NR3C2: variants seen among roughly 807,000 people sequenced by gnomAD.
NR3C2 encodes mineralocorticoid receptor.
A neutral mutation model predicts 86.4 loss-of-function variants in NR3C2; 15 were observed. That is an observed-to-expected ratio of 0.17 (90% CI 0.12 to 0.27). The LOEUF is 0.27. Ranked by LOEUF, NR3C2 falls within the 10% of genes least tolerant of loss-of-function variation. NR3C2 has a pLI of 1.00. For synonymous variants in NR3C2, 458 were observed against 450.5 expected (o/e 1.02, Z -0.21); for missense variants, 960 against 1,195.6 (o/e 0.80, Z 2.91).
At chr4:148,147,301 A>C in intron 6 of NR3C2, among the ~76,000 whole-genome samples, 1 of 152,164 alleles carries the variant, frequency 6.6e-6, no homozygotes, top group East Asian at 1.9e-4. Flanking sequence ...GCAAACCCAA[A>C]GTTTTGTTCC....
At chr4:148,151,052 T>A (rs1228112899) in intron 6 of NR3C2, among the ~76,000 whole-genome samples, 1 of 152,132 alleles carries the variant, frequency 6.6e-6, no homozygotes, top group Non-Finnish European at 1.5e-5. Context: ...TTTGGGATGA[T>A]GAAAAGTATT....
At chr4:148,185,387 G>C (rs1204665397) in intron 4 of NR3C2, among the ~76,000 whole-genome samples, 2 of 152,210 alleles carry the variant, frequency 1.3e-5, no homozygotes. Flanking sequence ...CTGTTCTCTT[G>C]ATTTCTAGGA....
chr4:148,406,771 A>G (rs1415229881), intron 2 of NR3C2, among the ~76,000 whole-genome samples: 2 of 152,208 alleles, frequency 1.3e-5, no homozygotes, highest in African/African-American at 4.8e-5. Context: ...AACATAAAAC[A>G]ATTCATTGCT....
At chr4:148,390,077 G>A (rs1747463033) in intron 2 of NR3C2, among the ~76,000 whole-genome samples, 1 of 151,490 alleles carries the variant, frequency 6.6e-6, no homozygotes, top group Non-Finnish European at 1.5e-5. Context: ...GTAACGTCCG[G>A]GCAAGGAGGG....
At chr4:148,225,499 T>C (rs1474524723) in intron 3 of NR3C2, among the ~76,000 whole-genome samples, 3 of 152,288 alleles carry the variant, frequency 2.0e-5, no homozygotes, top group African/African-American at 7.2e-5. Context: ...AACAATGTTA[T>C]GAATTCTGTA....
intron 2 of NR3C2, among the ~76,000 whole-genome samples, chr4:148,315,757 C>T (rs1048244504): frequency 6.6e-6 from 1 of 152,052 alleles, no homozygotes; most frequent in African/African-American, 2.4e-5. Context: ...CCTTTAGGGG[C>T]CTTATATGAA....
rs147771592 is a variant in NR3C2, at chr4:148,113,586, C to T, written c.2799+518G>A. 2.4e-3 allele frequency among the ~76,000 whole-genome samples: 363 copies of T among 152,258 alleles called. 1 individual carries two copies. Among genetic ancestry groups the T allele is most frequent in the African/African-American group, 8.1e-3 (337 of 41,554 alleles). ...TATCAGATGATTTACTCTGATTCTT[C>T]CCAAAGCCCTGTGTATGGCAGATGC... is the stretch of plus-strand genomic sequence containing the variant. On this transcript the variant is annotated intron_variant, in intron 8 of 8. Coordinates refer to ENST00000358102, the MANE Select transcript of NR3C2 (RefSeq NM_000901.5).
intron 2 of NR3C2, among the ~76,000 whole-genome samples, chr4:148,322,670 T>G (rs1487440082): frequency 2.7e-5 from 3 of 110,846 alleles, no homozygotes; most frequent in Non-Finnish European, 5.4e-5. Context: ...GTTGATCGCA[T>G]CAGCTCCTGA....
intron 2 of NR3C2, among the ~76,000 whole-genome samples, chr4:148,430,612 T>G (rs1749755261): frequency 6.6e-6 from 1 of 152,142 alleles, no homozygotes; most frequent in Non-Finnish European, 1.5e-5. Flanking sequence ...TTACATGTTT[T>G]CATTCCCAAA....
At chr4:148,420,061 C>T (rs1749203187) in intron 2 of NR3C2, among the ~76,000 whole-genome samples, 1 of 152,156 alleles carries the variant, frequency 6.6e-6, no homozygotes, top group Non-Finnish European at 1.5e-5. Context: ...CATGCATACA[C>T]GTCCACTCAC....
At chr4:148,180,010 T>C (rs1735568982) in intron 4 of NR3C2, among the ~76,000 whole-genome samples, 1 of 151,846 alleles carries the variant, frequency 6.6e-6, no homozygotes, top group South Asian at 2.1e-4. Context: ...TGAGGAATAG[T>C]ATCTCTTTTA....
intron 2 of NR3C2, among the ~76,000 whole-genome samples, chr4:148,381,950 G>T (rs1747014318): frequency 6.6e-6 from 1 of 152,080 alleles, no homozygotes; most frequent in South Asian, 2.1e-4. Context: ...CCACACCACT[G>T]TCATTTACCT....
chr4:148,352,373 CATCTATCTATCTATCT>C (rs3045288), intron 2 of NR3C2, among the ~76,000 whole-genome samples: 4,752 of 146,310 alleles, frequency 0.032, 232 homozygotes, highest in African/African-American at 0.11. Context: ...CAACTCCTAT[CATCTATCTATCTATCT>C]ATCTATCTAT....
rs1578975762 is a variant in NR3C2 at position 148,176,871 on chromosome 4, A to T, written c.2014+17875T>A. 1.2e-4 allele frequency among the ~76,000 whole-genome samples: 18 copies of T among 152,364 alleles called. 1 individual carries two copies. The South Asian group carries it at 3.7e-3, about 32-fold the overall frequency. ...ACAAATTAATCTTAATATGAAAAAT[A>T]ATTATATGATAACAATATACGCTTA... On this transcript the variant is annotated intron_variant, in intron 4 of 8. Coordinates refer to ENST00000358102, the MANE Select transcript of NR3C2 (RefSeq NM_000901.5).
chr4:148,240,159 T>A (rs1738950751), intron 3 of NR3C2, among the ~76,000 whole-genome samples: 3 of 151,156 alleles, frequency 2.0e-5, no homozygotes. Flanking sequence ...AGCAATTTAA[T>A]CTGTAATTAA....
At chr4:148,418,484 A>G (rs539126596) in intron 2 of NR3C2, among the ~76,000 whole-genome samples, 9 of 152,312 alleles carry the variant, frequency 5.9e-5, no homozygotes, top group Admixed American at 3.9e-4. Context: ...ACAGTTCTCA[A>G]TTAAGTTCTC....
intron 8 of NR3C2, among the ~76,000 whole-genome samples, chr4:148,105,303 C>T (rs1731743752): frequency 1.3e-5 from 2 of 152,150 alleles, no homozygotes; most frequent in Non-Finnish European, 2.9e-5. Context: ...TGGATACATT[C>T]CTGGACACAT....
intron 3 of NR3C2, among the ~76,000 whole-genome samples, chr4:148,209,464 C>T (rs540583892): frequency 1.0e-3 from 154 of 150,946 alleles, no homozygotes; most frequent in African/African-American, 3.6e-3. Context: ...ATGTTTTTTG[C>T]GGGGTGGGTG....
intron 2 of NR3C2, among the ~76,000 whole-genome samples, chr4:148,345,044 AACT>A: frequency 6.6e-6 from 1 of 152,238 alleles, no homozygotes; most frequent in South Asian, 2.1e-4. Context: ...TTCTTTCCAA[AACT>A]TTTAAACATT....
Sources: gnomAD v4.1 joint callset for allele counts (sites outside exome capture counted in the v4.1 genomes callset) on GRCh38, gnomAD v4.1.1 for gene constraint, MANE v1.5 for transcripts, NCBI Gene and HGNC (gene_info 2026-07-23, HGNC 2026-07-21) for gene names.